Variants in PDZRN4 observed in about 807,000 individuals in gnomAD.
PDZRN4 encodes the protein PDZ domain containing ring finger 4.
PDZRN4 carries 70 observed loss-of-function variants against 99.0 expected under a neutral mutation model. The observed-to-expected ratio is 0.71, with a 90% CI of 0.58 to 0.86. The LOEUF (loss-of-function observed/expected upper bound fraction) is 0.86, where lower values mean the gene tolerates loss of function less well. Ranked by LOEUF, PDZRN4 falls within the 40% of genes least tolerant of loss-of-function variation. The probability of loss-of-function intolerance (pLI) is 0.00; values close to 1 mark genes in which losing one functional copy is unlikely to be tolerated. For missense variants in PDZRN4, 1,474 were observed against 1,331.2 expected (o/e 1.11, Z -1.67); for synonymous variants, 551 against 501.6 (o/e 1.10, Z -1.32).
At chr12:41,255,441 G>C (rs1284674402) in intron 3 of PDZRN4, among the ~76,000 whole-genome samples, 1 of 151,692 alleles carries the variant, frequency 6.6e-6, no homozygotes, top group African/African-American at 2.4e-5. Flanking sequence ...GTTTTGTTTT[G>C]TTTTGTTTTT....
intron 3 of PDZRN4, among the ~76,000 whole-genome samples, chr12:41,358,243 G>T (rs2121053057): frequency 6.6e-6 from 1 of 152,006 alleles, no homozygotes; most frequent in Admixed American, 6.6e-5. Context: ...CTTAACAGCA[G>T]CCACCCCAAC....
intron 3 of PDZRN4, among the ~76,000 whole-genome samples, chr12:41,326,617 T>A (rs74079532): frequency 0.078 from 11,791 of 152,106 alleles, 1,219 homozygotes; most frequent in African/African-American, 0.23. Flanking sequence ...CGAGAGGATC[T>A]GGAAGGTCTA....
chr12:41,557,770 T>C (rs906299717), intron 7 of PDZRN4, among the ~76,000 whole-genome samples: 9 of 152,154 alleles, frequency 5.9e-5, no homozygotes, highest in African/African-American at 2.2e-4. Context: ...GGGGTCCCAC[T>C]AGTTTTCAGA....
intron 3 of PDZRN4, among the ~76,000 whole-genome samples, chr12:41,460,513 G>C (rs188669933): frequency 1.4e-3 from 219 of 152,284 alleles, no homozygotes; most frequent in African/African-American, 4.8e-3. Flanking sequence ...GCAAATTCCT[G>C]TACCAATCTT....
intron 3 of PDZRN4, among the ~76,000 whole-genome samples, chr12:41,486,049 G>A (rs551555635): frequency 3.9e-4 from 60 of 152,120 alleles, no homozygotes; most frequent in African/African-American, 9.6e-4. Flanking sequence ...TATGTAAGGC[G>A]GAATAATAGA....
intron 3 of PDZRN4, among the ~76,000 whole-genome samples, chr12:41,448,291 T>C (rs1419897563): frequency 6.6e-6 from 1 of 152,180 alleles, no homozygotes; most frequent in Non-Finnish European, 1.5e-5. Flanking sequence ...CCATCTCTTT[T>C]TCTTTCAACA....
At chr12:41,375,396 A>T (rs1245037181) in intron 3 of PDZRN4, among the ~76,000 whole-genome samples, 1 of 152,194 alleles carries the variant, frequency 6.6e-6, no homozygotes, top group East Asian at 1.9e-4. Flanking sequence ...AGATAGAATG[A>T]AATTTCAAGA....
chr12:41,348,296 C>T (rs1320074494), intron 3 of PDZRN4, among the ~76,000 whole-genome samples: 1 of 151,898 alleles, frequency 6.6e-6, no homozygotes, highest in African/African-American at 2.4e-5. Context: ...CTCTGGGGGC[C>T]CCTGGGACTC....
Position 41,326,837 on chromosome 12 carries a change from A to C in PDZRN4, c.843+132649A>C, listed in dbSNP as rs567093840. The stretch of plus-strand genomic sequence containing the variant: ...TTTAAACATCTAAAGAAAAAGTAAA[A>C]TATCATTAGCTAAAGTGAATATCAT... On this transcript the variant is annotated intron_variant, in intron 3 of 9. Coordinates refer to ENST00000402685, the MANE Select transcript of PDZRN4 (RefSeq NM_001164595.2). Among the ~76,000 whole-genome samples, 5 of 152,310 alleles carry C rather than the reference A, an allele frequency of 3.3e-5. No individual in the cohort carries two copies. In the East Asian group the frequency reaches 9.7e-4, roughly 29 times the overall value.
intron 3 of PDZRN4, among the ~76,000 whole-genome samples, chr12:41,277,909 A>G (rs1240816301): frequency 6.6e-6 from 1 of 152,202 alleles, no homozygotes; most frequent in Non-Finnish European, 1.5e-5. Flanking sequence ...TATGTGAGCA[A>G]GTGAAAGGTG....
intron 3 of PDZRN4, among the ~76,000 whole-genome samples, chr12:41,406,099 C>T (rs560274528): frequency 1.3e-5 from 2 of 151,670 alleles, no homozygotes; most frequent in South Asian, 2.1e-4. Context: ...TAAAAAAAAC[C>T]AAAATATTTC....
intron 3 of PDZRN4, among the ~76,000 whole-genome samples, chr12:41,427,459 C>G (rs1952546771): frequency 6.6e-6 from 1 of 152,112 alleles, no homozygotes; most frequent in Admixed American, 6.6e-5. Flanking sequence ...GGCATTTCAG[C>G]ACACCTCAAT....
chr12:41,506,041 A>G (rs906061803), intron 3 of PDZRN4, among the ~76,000 whole-genome samples: 2 of 152,202 alleles, frequency 1.3e-5, no homozygotes, highest in Non-Finnish European at 2.9e-5. Flanking sequence ...ATCTTAAAAA[A>G]TTAAATTTTA....
At chr12:41,268,995 G>T (rs542399745) in intron 3 of PDZRN4, among the ~76,000 whole-genome samples, 1 of 152,252 alleles carries the variant, frequency 6.6e-6, no homozygotes, top group African/African-American at 2.4e-5. Context: ...CACTTGAAAT[G>T]TATTGTCTGC....
intron 3 of PDZRN4, among the ~76,000 whole-genome samples, chr12:41,228,197 A>G (rs951845114): frequency 6.6e-6 from 1 of 152,154 alleles, no homozygotes; most frequent in Non-Finnish European, 1.5e-5. Context: ...GCCAGAGCCC[A>G]GTGAAGATGT....
intron 3 of PDZRN4, among the ~76,000 whole-genome samples, chr12:41,369,649 CTG>C (rs759912264): frequency 2.0e-5 from 3 of 151,872 alleles, no homozygotes; most frequent in Non-Finnish European, 2.9e-5. Context: ...TTCAGAATCT[CTG>C]TCTTTACGCA....
At chr12:41,463,481 T>C (rs1433202664) in intron 3 of PDZRN4, among the ~76,000 whole-genome samples, 3 of 152,108 alleles carry the variant, frequency 2.0e-5, no homozygotes, top group African/African-American at 7.2e-5. Context: ...ACCCTAAGAC[T>C]CTTTTTTCCC....
chr12:41,252,090 C>T (rs1023842691), intron 3 of PDZRN4, among the ~76,000 whole-genome samples: 3 of 150,894 alleles, frequency 2.0e-5, no homozygotes, highest in Non-Finnish European at 3.0e-5. Flanking sequence ...CACTCCAGAT[C>T]GGGTGAAAAA....
Position 41,196,990 on chromosome 12 carries a change from C to T in PDZRN4, c.843+2802C>T, listed in dbSNP as rs1053313038. Among the ~76,000 whole-genome samples the T allele has an allele frequency of 1.2e-4, 18 of 151,764 alleles. No homozygotes were observed. The South Asian group carries it at 1.2e-3, about 11-fold the overall frequency. On this transcript the variant is annotated intron_variant, in intron 3 of 9. Transcript: ENST00000402685. ...CTAGTTCATATATTATAAAATTATC[C>T]GTATGACTTATGCACAATCTGACAC...
Sources: gnomAD v4.1 joint callset for allele counts (sites outside exome capture counted in the v4.1 genomes callset) on GRCh38, gnomAD v4.1.1 for gene constraint, MANE v1.5 for transcripts, NCBI Gene and HGNC (gene_info 2026-07-23, HGNC 2026-07-21) for gene names.